NET1: variants seen among roughly 807,000 people sequenced by gnomAD.
The protein encoded by NET1 is neuroepithelial cell-transforming gene 1 protein.
Under a neutral mutation model 61.1 loss-of-function variants are expected in NET1, and 42 were observed. The observed-to-expected ratio is 0.69, with a 90% CI of 0.54 to 0.89. The LOEUF (loss-of-function observed/expected upper bound fraction) is 0.89. NET1 is among the 40% of genes least tolerant of loss of function. The probability of loss-of-function intolerance (pLI) is 0.00; values close to 1 mark genes in which losing one functional copy is unlikely to be tolerated. For synonymous variants in NET1, 254 were observed against 281.8 expected (o/e 0.90, Z 0.99); for missense variants, 654 against 747.3 (o/e 0.88, Z 1.46).
chr10:5,421,780 T>C lies in NET1; in HGVS notation c.129-4875T>C, dbSNP rs1832177384. On this transcript the variant is annotated intron_variant, in intron 1 of 11. Transcript: ENST00000355029. The surrounding 1 kb of genome is among the most constrained non-coding windows in gnomAD (Gnocchi z 4.2). The stretch of plus-strand genomic sequence containing the variant: ...AACATTTCATCACCCCAAATATCCC[T>C]GCTCCCACCCCAGCCCTAGGCAGCC... Among the ~76,000 whole-genome samples, 4 of 152,200 alleles carry C rather than the reference T, an allele frequency of 2.6e-5. No homozygotes were observed. The highest frequency in any genetic ancestry group is 9.6e-5 in the African/African-American group (4 of 41,466).
Position 5,437,212 on chromosome 10 carries a change from T to A in NET1, c.255+7983T>A, listed in dbSNP as rs1372596308. Among the ~76,000 whole-genome samples, 1 of 152,206 alleles carries A rather than the reference T, an allele frequency of 6.6e-6. No homozygotes were observed. The highest frequency in any genetic ancestry group is 1.5e-5 in the Non-Finnish European group (1 of 68,024). ...GTATCCAGTTATTATTTGATGTTTG[T>A]CCAGATTGTTTTCTTTTTATTTATC... On this transcript the variant is annotated intron_variant, in intron 3 of 11. Coordinates refer to ENST00000355029, the MANE Select transcript of NET1 (RefSeq NM_001047160.3). This position sits in a 1 kb window ranked among gnomAD's most constrained non-coding sequence, Gnocchi z 4.3.
chr10:5,438,700 A>G (rs2119194572), intron 3 of NET1, among the ~76,000 whole-genome samples: 1 of 152,372 alleles, frequency 6.6e-6, no homozygotes, highest in African/African-American at 2.4e-5. Flanking sequence ...ACTCTTTCAG[A>G]AAATCAAAGA....
rs1327350156 is a variant in NET1 at position 5,446,488 on chromosome 10, C to T, written c.256-5342C>T. Reference sequence around the variant, plus strand: ...TCCTCCTGGGCGAAAGCTGAGAGGCCTAGGTGTGCCCAGCTCTCAGTTAAC... The same window carrying T: ...TCCTCCTGGGCGAAAGCTGAGAGGCTTAGGTGTGCCCAGCTCTCAGTTAAC... On this transcript the variant is annotated intron_variant, in intron 3 of 11. Coordinates refer to ENST00000355029, the MANE Select transcript of NET1 (RefSeq NM_001047160.3). The surrounding 1 kb of genome is among the most constrained non-coding windows in gnomAD (Gnocchi z 5.0). 1 of 902,256 alleles carries T rather than the reference C, an allele frequency of 1.1e-6. No individual in the cohort carries two copies. Among genetic ancestry groups the T allele is most frequent in the Non-Finnish European group, 1.4e-6 (1 of 732,646 alleles). 55.9% of individuals were successfully genotyped at this position (902,256 alleles called of 1,614,324 possible).
rs1588419658 is a variant in NET1, at chr10:5,412,895, T to G, written c.128+75T>G. 9 of 710,968 alleles carry G rather than the reference T, an allele frequency of 1.3e-5. No individual in the cohort carries two copies. The highest frequency in any genetic ancestry group is 1.4e-4 in the East Asian group (1 of 7,196). The allele number at this position is 710,968 out of a possible 1,614,324, so 44.0% of individuals were successfully genotyped here. On this transcript the variant is annotated intron_variant, in intron 1 of 11. Transcript: ENST00000355029. This position sits in a 1 kb window ranked among gnomAD's most constrained non-coding sequence, Gnocchi z 6.5. ...GGAGGGCCGAACGGGAGGTGAGTGT[T>G]GGAGAGGCAAGGGCCGGGGGGAGGG... is the stretch of plus-strand genomic sequence containing the variant.
rs561216357 is a variant in NET1 at position 5,440,716 on chromosome 10, T to G, written c.256-11114T>G. 6.6e-6 allele frequency among the ~76,000 whole-genome samples: 1 copy of G among 152,308 alleles called. No homozygotes were observed. Among genetic ancestry groups the G allele is most frequent in the South Asian group, 2.1e-4 (1 of 4,832 alleles). On this transcript the variant is annotated intron_variant, in intron 3 of 11. Transcript: ENST00000355029. The surrounding 1 kb of genome is among the most constrained non-coding windows in gnomAD (Gnocchi z 4.1). The stretch of plus-strand genomic sequence containing the variant: ...TCTGTCAGCTGCTTTTTCAAATCTT[T>G]TAAAGCAATTAGCCAAAGCCAGTAA...
rs1272225681 is a variant in NET1 at position 5,424,770 on chromosome 10, A to G, written c.129-1885A>G. Among the ~76,000 whole-genome samples the G allele has an allele frequency of 6.6e-6, 1 of 152,176 alleles. No individual in the cohort carries two copies. The highest frequency in any genetic ancestry group is 1.9e-4 in the East Asian group (1 of 5,160). Reference sequence around the variant, plus strand: ...TTTTCCCCAGGTCAAGAACCTTGGTAATAACTGAACAGGTTTAGGGAGGAA... The same window carrying G: ...TTTTCCCCAGGTCAAGAACCTTGGTGATAACTGAACAGGTTTAGGGAGGAA... On this transcript the variant is annotated intron_variant, in intron 1 of 11. Coordinates refer to ENST00000355029, the MANE Select transcript of NET1 (RefSeq NM_001047160.3). This position sits in a 1 kb window ranked among gnomAD's most constrained non-coding sequence, Gnocchi z 6.1.
chr10:5,448,672 A>ATTTTTTTTTTTT (rs55722042), intron 3 of NET1, among the ~76,000 whole-genome samples: 1 of 126,758 alleles, frequency 7.9e-6, no homozygotes, highest in Non-Finnish European at 1.6e-5. Flanking sequence ...GGATTTTTGG[A>ATTTTTTTTTTTT]TTTTTTTTTT....
chr10:5,448,652 T>G (rs993909376), intron 3 of NET1, among the ~76,000 whole-genome samples: 6 of 149,538 alleles, frequency 4.0e-5, no homozygotes, highest in African/African-American at 1.5e-4. Flanking sequence ...ATTTTTTTGT[T>G]TATTCCCATG....
At position 5,441,425 on chromosome 10, in the gene NET1, T is replaced by C. The variant is rs146228145; in HGVS notation, c.256-10405T>C. ...GCTGGGCACAAGACACAATATCCTTTTGTCTTTAGTTTGGGGCCTTAAGCT... is the reference window on the plus strand; with the variant it reads ...GCTGGGCACAAGACACAATATCCTTCTGTCTTTAGTTTGGGGCCTTAAGCT... On this transcript the variant is annotated intron_variant, in intron 3 of 11. Coordinates refer to ENST00000355029, the MANE Select transcript of NET1 (RefSeq NM_001047160.3). The surrounding 1 kb of genome is among the most constrained non-coding windows in gnomAD (Gnocchi z 4.6). Among the ~76,000 whole-genome samples, 239 of 152,356 alleles carry C rather than the reference T, an allele frequency of 1.6e-3. 2 individuals are homozygous for C. The highest frequency in any genetic ancestry group is 5.4e-3 in the African/African-American group (226 of 41,580).
rs911642196 is a variant in NET1 at position 5,452,939 on chromosome 10, A to C, written c.594+19A>C. ...AAGAAAGGTCAGTAAATAACTTTTT[A>C]TCAGATGCCCTAGTTTTTAAAAATT... On this transcript the variant is annotated intron_variant, in intron 6 of 11. Coordinates refer to ENST00000355029, the MANE Select transcript of NET1 (RefSeq NM_001047160.3). This position sits in a 1 kb window ranked among gnomAD's most constrained non-coding sequence, Gnocchi z 4.0. 6.8e-7 allele frequency: 1 copy of C among 1,476,012 alleles called. No individual in the cohort carries two copies. Among genetic ancestry groups the C allele is most frequent in the Non-Finnish European group, 9.5e-7 (1 of 1,055,668 alleles). The allele number at this position is 1,476,012 out of a possible 1,614,324, so 91.4% of individuals were successfully genotyped here.
rs147896195 is a variant in NET1, at chr10:5,446,466, T to A, written c.256-5364T>A. 434 of 682,944 alleles carry A rather than the reference T, an allele frequency of 6.4e-4. 1 individual carries two copies. The African/African-American group carries it at 7.7e-3, about 12-fold the overall frequency. 42.3% of individuals were successfully genotyped at this position (682,944 alleles called of 1,614,324 possible). ...CTACTTGAACCCAGCTTCACTCTCC[T>A]CCTGGGCGAAAGCTGAGAGGCCTAG... On this transcript the variant is annotated intron_variant, in intron 3 of 11. Transcript: ENST00000355029. This position sits in a 1 kb window ranked among gnomAD's most constrained non-coding sequence, Gnocchi z 5.0.
chr10:5,431,016 T>G lies in NET1; in HGVS notation c.255+1787T>G, dbSNP rs1832341793. ...CCTCCCAAGTAGCTGGGATTACAGG[T>G]GCCCGCCACCACGCCCGGCTAATTT... On this transcript the variant is annotated intron_variant, in intron 3 of 11. Transcript: ENST00000355029. This position sits in a 1 kb window ranked among gnomAD's most constrained non-coding sequence, Gnocchi z 4.9. 2.0e-5 allele frequency among the ~76,000 whole-genome samples: 3 copies of G among 151,264 alleles called. No individual in the cohort carries two copies. Among genetic ancestry groups the G allele is most frequent in the Non-Finnish European group, 4.4e-5 (3 of 67,802 alleles).
chr10:5,431,968 A>G lies in NET1; in HGVS notation c.255+2739A>G, dbSNP rs558843630. Among the ~76,000 whole-genome samples, 38 of 152,172 alleles carry G rather than the reference A, an allele frequency of 2.5e-4. 1 individual carries two copies. In the South Asian group the frequency reaches 7.7e-3, roughly 31 times the overall value. ...TTTGGCTGTTGGATGCTGTTTCAGG[A>G]TGGTTCCTGTGTCCTTTTGACATGA... On this transcript the variant is annotated intron_variant, in intron 3 of 11. Transcript: ENST00000355029. This position sits in a 1 kb window ranked among gnomAD's most constrained non-coding sequence, Gnocchi z 4.9.
In NET1 at chr10:5,452,368, T is replaced by G; in HGVS notation, c.374T>G (p.Leu125Arg). Reference protein sequence around the residue: ...RFGQTIQSFTLRGDHRSPASA... With the variant: ...RFGQTIQSFTRRGDHRSPASA... ...CTTTTCTTTTTTAAGTCATTTACCC[T>G]TCGTGGTGACCACAGATCCCCAGCC... Residue 125 changes from leucine to arginine, a missense_variant, in exon 5 of 12, where the codon CTT becomes CGT. Coordinates refer to ENST00000355029, the MANE Select transcript of NET1 (RefSeq NM_001047160.3). The surrounding 1 kb of genome is among the most constrained non-coding windows in gnomAD (Gnocchi z 4.0). The G allele has an allele frequency of 6.2e-7, 1 of 1,608,430 alleles. No individual in the cohort carries two copies. Among genetic ancestry groups the G allele is most frequent in the East Asian group, 2.2e-5 (1 of 44,778 alleles).
rs1832757603 is a variant in NET1, at chr10:5,454,174, G to A, written c.769-91G>A. ...CAGCTTGTTAAAACTCTCAAGAATA[G>A]CTGTACATTTTGTGTTTCATGTTTG... is the stretch of plus-strand genomic sequence containing the variant. On this transcript the variant is annotated intron_variant, in intron 8 of 11. Transcript: ENST00000355029. The surrounding 1 kb of genome is among the most constrained non-coding windows in gnomAD (Gnocchi z 8.1). 3 of 1,288,330 alleles carry A rather than the reference G, an allele frequency of 2.3e-6. No individual in the cohort carries two copies. The highest frequency in any genetic ancestry group is 2.9e-5 in the South Asian group (2 of 69,382). 79.8% of individuals were successfully genotyped at this position (1,288,330 alleles called of 1,614,324 possible).
intron 1 of NET1, among the ~76,000 whole-genome samples, chr10:5,419,088 G>A (rs920795526): frequency 6.6e-6 from 1 of 152,096 alleles, no homozygotes; most frequent in Non-Finnish European, 1.5e-5. Context: ...GTTTGTAATT[G>A]TATCTTCCTG....
At chr10:5,430,999 G>A (rs1340880281) in intron 3 of NET1, among the ~76,000 whole-genome samples, 7 of 150,804 alleles carry the variant, frequency 4.6e-5, no homozygotes, top group African/African-American at 1.7e-4. Flanking sequence ...AGCCTCCCAA[G>A]TAGCTGGGAT....
In NET1 at chr10:5,435,486, T is replaced by TAGATAGATAGATAGATAGATAGAC. The variant is rs1564462367; in HGVS notation, c.255+6280_255+6281insCAGATAGATAGATAGATAGATAGA. 6.8e-4 allele frequency among the ~76,000 whole-genome samples: 4 copies of TAGATAGATAGATAGATAGATAGAC among 5,924 alleles called. No homozygotes were observed. Among genetic ancestry groups the TAGATAGATAGATAGATAGATAGAC allele is most frequent in the Non-Finnish European group, 7.8e-4 (1 of 1,284 alleles). 3.9% of individuals were successfully genotyped at this position (5,924 alleles called of 152,430 possible). A position where few individuals can be genotyped will look rare whatever the true frequency, so the allele number is the denominator to read the frequency against. ...TGCCTCCGTGCCTGAGATAGATAGA[T>TAGATAGATAGATAGATAGATAGAC]AGATAGATAGATAGATAGATAGATA... On this transcript the variant is annotated intron_variant, in intron 3 of 11. Coordinates refer to ENST00000355029, the MANE Select transcript of NET1 (RefSeq NM_001047160.3). This position sits in a 1 kb window ranked among gnomAD's most constrained non-coding sequence, Gnocchi z 5.0.
At chr10:5,445,183 G>T (rs1588435724) in intron 3 of NET1, among the ~76,000 whole-genome samples, 1 of 152,190 alleles carries the variant, frequency 6.6e-6, no homozygotes, top group East Asian at 1.9e-4. Flanking sequence ...CGTGATCTCA[G>T]TGTGGGCTCA....
Sources: gnomAD v4.1 joint callset for allele counts (sites outside exome capture counted in the v4.1 genomes callset) on GRCh38, gnomAD v4.1.1 for gene constraint, Gnocchi (gnomAD v3.1) non-coding constraint, MANE v1.5 for transcripts, NCBI Gene and HGNC (gene_info 2026-07-23, HGNC 2026-07-21) for gene names.